The following PCDH11X variants were observed in gnomAD, a reference collection of about 807,000 sequenced individuals.
PCDH11X encodes the protein protocadherin 11 X-linked.
A neutral mutation model predicts 53.3 loss-of-function variants in PCDH11X; 18 were observed. That is an observed-to-expected ratio of 0.34 (90% CI 0.23 to 0.50). PCDH11X has a LOEUF of 0.50. Ranked by LOEUF, PCDH11X falls within the 20% of genes least tolerant of loss-of-function variation. The pLI, the probability that PCDH11X is intolerant of heterozygous loss-of-function variation, is 0.98. For synonymous variants in PCDH11X, 279 were observed against 393.3 expected (o/e 0.71, Z 3.44); for missense variants, 570 against 1,032.4 (o/e 0.55, Z 6.14).
At chrX:92,443,110 G>C (rs899827515) in intron 9 of PCDH11X, among the ~76,000 whole-genome samples, 4 of 107,170 alleles carry the variant, frequency 3.7e-5, no homozygotes, top group Non-Finnish European at 3.9e-5. Flanking sequence ...TAGTTGCTCT[G>C]ACTGTTGTGA....
chrX:92,083,258 T>C (rs2063892510), intron 6 of PCDH11X, among the ~76,000 whole-genome samples: 1 of 111,950 alleles, frequency 8.9e-6, no homozygotes, highest in African/African-American at 3.2e-5. Flanking sequence ...ACTATTTTAT[T>C]TATTTTTGAA....
chrX:91,906,861 A>G (rs755114783), intron 6 of PCDH11X, among the ~76,000 whole-genome samples: 28 of 111,391 alleles, frequency 2.5e-4, no homozygotes, highest in African/African-American at 8.8e-4. Flanking sequence ...ATAGGTAGTG[A>G]CAAACAAAAT....
At chrX:92,369,591 T>C (rs2070563881) in intron 8 of PCDH11X, among the ~76,000 whole-genome samples, 1 of 111,063 alleles carries the variant, frequency 9.0e-6, no homozygotes. Context: ...GGTCGGTGTC[T>C]GCCCAAACAG....
intron 6 of PCDH11X, among the ~76,000 whole-genome samples, chrX:92,151,609 G>A (rs1465843426): frequency 3.7e-5 from 4 of 109,283 alleles, no homozygotes; most frequent in African/African-American, 1.4e-4. Flanking sequence ...AATATAATTT[G>A]TTTTTGAAAT....
At chrX:91,903,403 A>G (rs2147787711) in intron 6 of PCDH11X, among the ~76,000 whole-genome samples, 1 of 111,249 alleles carries the variant, frequency 9.0e-6, no homozygotes, top group African/African-American at 3.3e-5. Flanking sequence ...TTTTTAGTAT[A>G]CTAAACAAAA....
At chrX:92,537,376 A>C (rs1458526136) in intron 10 of PCDH11X, among the ~76,000 whole-genome samples, 1 of 110,125 alleles carries the variant, frequency 9.1e-6, no homozygotes, top group Non-Finnish European at 1.9e-5. Context: ...AATAAAAATA[A>C]AAAGATATTT....
intron 6 of PCDH11X, among the ~76,000 whole-genome samples, chrX:91,895,728 G>A (rs1490585527): frequency 6.6e-5 from 7 of 106,837 alleles, no homozygotes; most frequent in Non-Finnish European, 1.3e-4. Flanking sequence ...ATATAATACT[G>A]ATATTATATA....
chrX:91,852,008 C>T (rs868614560), intron 5 of PCDH11X, among the ~76,000 whole-genome samples: 6 of 94,446 alleles, frequency 6.4e-5, no homozygotes, highest in Admixed American at 1.2e-4. Flanking sequence ...ATTAGGAATT[C>T]TTTTTTTTTT....
chrX:91,968,727 A>G (rs1386295763), intron 6 of PCDH11X, among the ~76,000 whole-genome samples: 1 of 111,595 alleles, frequency 9.0e-6, no homozygotes, highest in Non-Finnish European at 1.9e-5. Flanking sequence ...GAACTTATCA[A>G]TTTGGAAATG....
chrX:91,916,971 C>T (rs1164670447), intron 6 of PCDH11X, among the ~76,000 whole-genome samples: 1 of 111,237 alleles, frequency 9.0e-6, no homozygotes, highest in Non-Finnish European at 1.9e-5. Context: ...ACCATGATCA[C>T]GTGGGTTTTA....
chrX:92,239,102 T>C (rs1189531562), intron 7 of PCDH11X, among the ~76,000 whole-genome samples: 3 of 111,691 alleles, frequency 2.7e-5, no homozygotes, highest in Admixed American at 1.9e-4. Flanking sequence ...TTATTTTGAA[T>C]GTATGTCTCG....
chrX:92,564,832 A>G (rs901248788), intron 10 of PCDH11X, among the ~76,000 whole-genome samples: 1 of 111,163 alleles, frequency 9.0e-6, no homozygotes, highest in African/African-American at 3.3e-5. Context: ...GGGAAGAGAC[A>G]ACCTGCAGAA....
In PCDH11X at chrX:91,998,894, CTTTTA is replaced by C. The variant is rs751332097; in HGVS notation, c.3033+119651_3033+119655del. Among the ~76,000 whole-genome samples the C allele has an allele frequency of 3.7e-3, 398 of 108,660 alleles. 3 individuals carry two copies. The highest frequency in any genetic ancestry group is 6.5e-3 in the African/African-American group (192 of 29,517). The allele number at this position is 108,660 out of a possible 115,157, so 94.4% of individuals were successfully genotyped here. A position where few individuals can be genotyped will look rare whatever the true frequency, so the allele number is the denominator to read the frequency against. Reference sequence around the variant, plus strand: ...ATAGTATGTTTGCATGTTTCTTTTCCTTTTATTTTATTTTATTTTATTTTATTTTA... The same window carrying C: ...ATAGTATGTTTGCATGTTTCTTTTCCTTTTATTTTATTTTATTTTATTTTA... On this transcript the variant is annotated intron_variant, in intron 6 of 10. Transcript: ENST00000682573.
intron 7 of PCDH11X, among the ~76,000 whole-genome samples, chrX:92,239,308 G>A (rs1391174177): frequency 1.8e-5 from 2 of 111,233 alleles, no homozygotes; most frequent in East Asian, 2.8e-4. Flanking sequence ...ATAGATTGCT[G>A]TTTTGGAGTC....
intron 10 of PCDH11X, among the ~76,000 whole-genome samples, chrX:92,597,225 G>A (rs994502848): frequency 2.7e-5 from 3 of 110,600 alleles, no homozygotes; most frequent in African/African-American, 9.8e-5. Flanking sequence ...AAATTGGAAA[G>A]GAAGAAGTCA....
intron 4 of PCDH11X, among the ~76,000 whole-genome samples, chrX:91,824,098 GC>G (rs1177163932): frequency 9.0e-6 from 1 of 111,290 alleles, no homozygotes; most frequent in East Asian, 2.8e-4. Flanking sequence ...CTCTCTGGCT[GC>G]CCTTAACATT....
chrX:91,842,934 C>G (rs1194856385), intron 5 of PCDH11X, among the ~76,000 whole-genome samples: 1 of 99,936 alleles, frequency 1.0e-5, no homozygotes, highest in Non-Finnish European at 2.0e-5. Context: ...ATTTCTCATC[C>G]TTTTACTTAT....
At chrX:92,292,260 A>C (rs1302220207) in intron 8 of PCDH11X, among the ~76,000 whole-genome samples, 1 of 112,501 alleles carries the variant, frequency 8.9e-6, no homozygotes, top group Admixed American at 9.4e-5. Context: ...TTTGAATGTC[A>C]TAACAATCAG....
intron 8 of PCDH11X, among the ~76,000 whole-genome samples, chrX:92,279,726 T>C (rs2148442545): frequency 8.9e-6 from 1 of 112,758 alleles, no homozygotes; most frequent in African/African-American, 3.2e-5. Flanking sequence ...TATTAGTTGG[T>C]ACATATTTGG....
Sources: gnomAD v4.1 joint callset for allele counts (sites outside exome capture counted in the v4.1 genomes callset) on GRCh38, gnomAD v4.1.1 for gene constraint, MANE v1.5 for transcripts, NCBI Gene and HGNC (gene_info 2026-07-23, HGNC 2026-07-21) for gene names.